Variants in CATSPERE observed in about 807,000 individuals in gnomAD.
The protein encoded by CATSPERE is cation channel sperm-associated auxiliary subunit epsilon.
Under a neutral mutation model 114.1 loss-of-function variants are expected in CATSPERE, and 93 were observed. That is an observed-to-expected ratio of 0.81 (90% CI 0.69 to 0.97). The LOEUF (loss-of-function observed/expected upper bound fraction) is 0.97. CATSPERE is among the 50% of genes least tolerant of loss of function. The pLI is 0.00. For missense variants in CATSPERE, 1,058 were observed against 1,131.6 expected, an observed-to-expected ratio of 0.93 and a Z score of 0.93; for synonymous variants, 341 against 384.1, an observed-to-expected ratio of 0.89 and a Z score of 1.31.
intron 10 of CATSPERE, among the ~76,000 whole-genome samples, chr1:244,570,188 A>G (rs1286445174): frequency 6.6e-6 from 1 of 152,136 alleles, no homozygotes; most frequent in Non-Finnish European, 1.5e-5. Context: ...TTGTCTTTCT[A>G]GGAAATAATT....
chr1:244,614,869 C>T (rs1671182120), intron 19 of CATSPERE, among the ~76,000 whole-genome samples: 1 of 152,088 alleles, frequency 6.6e-6, no homozygotes, highest in Admixed American at 6.5e-5. Context: ...TCCTCCTCAT[C>T]TTGATGGCCT....
intron 8 of CATSPERE, among the ~76,000 whole-genome samples, chr1:244,550,344 A>G (rs1660409459): frequency 6.6e-6 from 1 of 152,360 alleles, no homozygotes; most frequent in East Asian, 1.9e-4. Flanking sequence ...AAGAGACTAT[A>G]TATACTAGGA....
At chr1:244,538,656 C>G (rs1157981572) in intron 8 of CATSPERE, among the ~76,000 whole-genome samples, 1 of 152,170 alleles carries the variant, frequency 6.6e-6, no homozygotes, top group East Asian at 1.9e-4. Flanking sequence ...TGTTACGTGT[C>G]TCCCAAGCTA....
chr1:244,485,652 A>T (rs1157111934), intron 5 of CATSPERE, among the ~76,000 whole-genome samples: 12 of 146,352 alleles, frequency 8.2e-5, no homozygotes, highest in Non-Finnish European at 3.0e-5. Flanking sequence ...TAAGTGTTTC[A>T]TTCAGTTCAC....
intron 7 of CATSPERE, among the ~76,000 whole-genome samples, chr1:244,507,656 A>G (rs887714911): frequency 1.1e-4 from 17 of 152,084 alleles, no homozygotes; most frequent in Non-Finnish European, 2.2e-4. Flanking sequence ...GAGTTGATAT[A>G]TATATAGTGA....
At chr1:244,583,763 A>G (rs564373086) in intron 12 of CATSPERE, 101 bp from the exon 13 acceptor site, 3 of 1,047,964 alleles carry the variant, frequency 2.9e-6, no homozygotes, top group African/African-American at 1.6e-5. Flanking sequence ...TGGGAGGTCA[A>G]TCACACCGTG....
chr1:244,520,674 GA>G (rs1677390113), intron 8 of CATSPERE, among the ~76,000 whole-genome samples: 1 of 152,038 alleles, frequency 6.6e-6, no homozygotes, highest in African/African-American at 2.4e-5. Context: ...ACATACTGTG[GA>G]CCCAGGACCC....
intron 5 of CATSPERE, 152 bp downstream of exon 5, chr1:244,479,936 A>C: frequency 2.4e-6 from 1 of 413,118 alleles, no homozygotes; most frequent in Non-Finnish European, 4.3e-6. Flanking sequence ...CCGAAGAAAT[A>C]CTGAAGAACA....
chr1:244,486,926 C>T (rs547235236), intron 5 of CATSPERE, among the ~76,000 whole-genome samples: 1 of 140,528 alleles, frequency 7.1e-6, no homozygotes, highest in East Asian at 2.3e-4. Flanking sequence ...CAGGTGTAGA[C>T]CCTCGTAGTC....
intron 5 of CATSPERE, among the ~76,000 whole-genome samples, chr1:244,486,813 G>A (rs1671125787): frequency 2.2e-5 from 2 of 90,886 alleles, no homozygotes; most frequent in Non-Finnish European, 4.6e-5. Flanking sequence ...GTAGACCCTC[G>A]TAGTCACCTG....
intron 7 of CATSPERE, 34 bp downstream of exon 7, chr1:244,499,113 ACAGAATGCTGCCTTT>A: frequency 6.7e-7 from 1 of 1,495,222 alleles, no homozygotes; most frequent in Non-Finnish European, 9.3e-7. Flanking sequence ...CATAGTAAGA[ACAGAATGCTGCCTTT>A]CTTTTGTAGG....
chr1:244,477,844 A>G, intron 3 of CATSPERE, 62 bp from the exon 4 acceptor site: 1 of 1,320,864 alleles, frequency 7.6e-7, no homozygotes, highest in African/African-American at 1.5e-5. Context: ...AAAAATAGTA[A>G]GGGAATTTTA....
At chr1:244,636,791 G>C (rs1317486680) in intron 21 of CATSPERE, 2 of 152,384 alleles carry the variant, frequency 1.3e-5, no homozygotes, top group Non-Finnish European at 2.9e-5. Context: ...GGGCCCTGAA[G>C]GGTAGCAGAG....
chr1:244,502,848 A>T (rs1166302155), intron 7 of CATSPERE, among the ~76,000 whole-genome samples: 1 of 152,182 alleles, frequency 6.6e-6, no homozygotes, highest in South Asian at 2.1e-4. Flanking sequence ...AAAATTGTCC[A>T]ACAGAAGAAC....
intron 2 of CATSPERE, among the ~76,000 whole-genome samples, chr1:244,465,349 T>C (rs1312455340): frequency 6.6e-6 from 1 of 152,210 alleles, no homozygotes; most frequent in Non-Finnish European, 1.5e-5. Context: ...TCTTATTTAA[T>C]AAAAATATTT....
At chr1:244,561,169 CATT>C in intron 10 of CATSPERE, 24 bp downstream of exon 10, 1 of 1,418,196 alleles carries the variant, frequency 7.1e-7, no homozygotes, top group Non-Finnish European at 9.8e-7. Flanking sequence ...AGTCCACTAA[CATT>C]ATTCTAGATT....
intron 2 of CATSPERE, among the ~76,000 whole-genome samples, chr1:244,477,292 G>A (rs937939038): frequency 1.8e-4 from 27 of 152,276 alleles, no homozygotes; most frequent in African/African-American, 6.3e-4. Context: ...CACTGCACCC[G>A]GCCAATGGAT....
upstream of CATSPERE, chr1:244,451,567 C>T (rs1167749366): frequency 1.3e-6 from 2 of 1,498,004 alleles, no homozygotes; most frequent in Non-Finnish European, 1.8e-6. This position sits in a 1 kb window ranked among gnomAD's most constrained non-coding sequence, Gnocchi z 6.6. Flanking sequence ...TCCGAGTTCC[C>T]GGGCACCAGG....
chr1:244,475,033 C>T (rs1207416569), intron 2 of CATSPERE, among the ~76,000 whole-genome samples: 2 of 151,902 alleles, frequency 1.3e-5, no homozygotes, highest in Non-Finnish European at 2.9e-5. Context: ...CCTAATTGTT[C>T]TTTCTGTGTT....
Sources: gnomAD v4.1 joint callset for allele counts (sites outside exome capture counted in the v4.1 genomes callset) on GRCh38, gnomAD v4.1.1 for gene constraint, Gnocchi (gnomAD v3.1) non-coding constraint, MANE v1.5 for transcripts, NCBI Gene and HGNC (gene_info 2026-07-23, HGNC 2026-07-21) for gene names.